The following ME1 variants were observed in gnomAD, a reference collection of about 807,000 sequenced individuals.
ME1 encodes malic enzyme 1.
Under a neutral mutation model 66.4 loss-of-function variants are expected in ME1, and 74 were observed. The observed-to-expected ratio is 1.11, with a 90% CI of 0.92 to 1.35. ME1 has a LOEUF of 1.35. ME1 is among the 40% of genes most tolerant of loss of function. The pLI is 0.00. For synonymous variants in ME1, 251 were observed against 235.6 expected, an observed-to-expected ratio of 1.07 and a Z score of -0.60; for missense variants, 750 against 694.1, an observed-to-expected ratio of 1.08 and a Z score of -0.90.
intron 9 of ME1, among the ~76,000 whole-genome samples, chr6:83,231,085 T>C (rs1388697505): frequency 6.6e-6 from 1 of 152,126 alleles, no homozygotes; most frequent in Non-Finnish European, 1.5e-5. Flanking sequence ...AGAAAAGCTA[T>C]AGAATAAGAT....
intron 11 of ME1, among the ~76,000 whole-genome samples, chr6:83,226,087 C>T (rs956725029): frequency 3.9e-5 from 6 of 152,040 alleles, no homozygotes; most frequent in Non-Finnish European, 2.9e-5. Flanking sequence ...AAACTCACAT[C>T]CAGCAACAGG....
intron 12 of ME1, among the ~76,000 whole-genome samples, chr6:83,218,797 C>T (rs893884837): frequency 1.3e-5 from 2 of 152,130 alleles, no homozygotes; most frequent in African/African-American, 2.4e-5. Flanking sequence ...TTCTCAGAGT[C>T]GAGCCAAACA....
At chr6:83,324,716 C>CGAAA (rs1768251345) in intron 5 of ME1, among the ~76,000 whole-genome samples, 1 of 49,306 alleles carries the variant, frequency 2.0e-5, no homozygotes, top group African/African-American at 7.7e-5. Context: ...GCCTACCAAC[C>CGAAA]AAAAAAAAAA....
chr6:83,393,203 G>A (rs1769658993), intron 3 of ME1: 8 of 1,193,128 alleles, frequency 6.7e-6, no homozygotes, highest in Non-Finnish European at 1.0e-5. Flanking sequence ...AGGCGTCAGA[G>A]GACCCCCTCA....
At chr6:83,312,534 C>A (rs575943737) in intron 6 of ME1, among the ~76,000 whole-genome samples, 10 of 152,172 alleles carry the variant, frequency 6.6e-5, no homozygotes, top group African/African-American at 2.4e-4. Context: ...ATAAAAAAAA[C>A]CAACATAGCA....
At chr6:83,383,181 T>C (rs535557828) in intron 3 of ME1, among the ~76,000 whole-genome samples, 4 of 151,966 alleles carry the variant, frequency 2.6e-5, no homozygotes, top group African/African-American at 9.7e-5. Flanking sequence ...TGGTTTTTTT[T>C]CTCTGGAGGA....
At chr6:83,392,850 A>G in intron 3 of ME1, 1 of 763,632 alleles carries the variant, frequency 1.3e-6, no homozygotes, top group Non-Finnish European at 2.3e-6. Flanking sequence ...ACAGCTCAAG[A>G]TTATCAGCAA....
intron 5 of ME1, among the ~76,000 whole-genome samples, chr6:83,321,429 C>T (rs966554418): frequency 2.0e-5 from 3 of 152,152 alleles, no homozygotes; most frequent in Non-Finnish European, 4.4e-5. Flanking sequence ...GCTGCCAGCA[C>T]AGCAGTCAGA....
chr6:83,357,894 T>C (rs1302177029), intron 3 of ME1, among the ~76,000 whole-genome samples: 4 of 121,044 alleles, frequency 3.3e-5, no homozygotes, highest in Non-Finnish European at 6.7e-5. Context: ...TAATACTTAA[T>C]AAACTCCCCT....
chr6:83,318,723 A>G (rs2128539916), intron 5 of ME1, among the ~76,000 whole-genome samples: 1 of 63,196 alleles, frequency 1.6e-5, no homozygotes, highest in Admixed American at 2.2e-4. Context: ...AACTAGTTCA[A>G]CCATTGTGGA....
intron 5 of ME1, among the ~76,000 whole-genome samples, chr6:83,322,566 A>T (rs1281488193): frequency 1.3e-5 from 2 of 152,176 alleles, no homozygotes; most frequent in African/African-American, 4.8e-5. Context: ...GAGATTGAAG[A>T]TCAACTTAAT....
At chr6:83,360,971 A>G (rs946774324) in intron 3 of ME1, among the ~76,000 whole-genome samples, 8 of 152,236 alleles carry the variant, frequency 5.3e-5, no homozygotes, top group African/African-American at 1.9e-4. Context: ...ATTTGCCTTC[A>G]GCTAGCAAGG....
chr6:83,315,323 C>A lies in ME1; in HGVS notation c.691G>T (p.Ala231Ser). 1 of 1,602,512 alleles carries A rather than the reference C, an allele frequency of 6.2e-7. No individual in the cohort carries two copies. Among genetic ancestry groups the A allele is most frequent in the East Asian group, 2.2e-5 (1 of 44,666 alleles). The change falls in exon 6 of 14, where the codon GCA becomes TCA. Residue 231 changes from alanine to serine, a missense_variant. Physicochemically the swap from Ala to Ser is moderately conservative, Grantham distance 99 (BLOSUM62 1). Transcript: ENST00000369705. ...YDDFLDEFMEAVSSKYGMNCL... is the reference protein window; with the variant it reads ...YDDFLDEFMESVSSKYGMNCL... ...AAAGATACATACTTGGAAGAAACTG[C>A]CTCCATGAATTCGTCCAAAAAATCA...
intron 6 of ME1, among the ~76,000 whole-genome samples, chr6:83,268,440 G>A (rs1456052235): frequency 6.6e-6 from 1 of 152,032 alleles, no homozygotes; most frequent in Non-Finnish European, 1.5e-5. Context: ...TGTATCTTAT[G>A]TCTCACCTTT....
chr6:83,247,507 T>A (rs1476025476), intron 7 of ME1, among the ~76,000 whole-genome samples: 1 of 151,902 alleles, frequency 6.6e-6, no homozygotes. Flanking sequence ...TCATAAATCA[T>A]ATCTTTAAAT....
chr6:83,331,221 G>C (rs143076120), intron 5 of ME1, among the ~76,000 whole-genome samples: 1 of 152,154 alleles, frequency 6.6e-6, no homozygotes, highest in Non-Finnish European at 1.5e-5. Context: ...TTTGGAGACA[G>C]AGTATTTAAA....
At chr6:83,280,581 C>T (rs536290722) in intron 6 of ME1, among the ~76,000 whole-genome samples, 1 of 152,336 alleles carries the variant, frequency 6.6e-6, no homozygotes, top group East Asian at 1.9e-4. Flanking sequence ...ATCTGCTAAA[C>T]TTCTCTTTTG....
chr6:83,270,571 A>G (rs1767066104), intron 6 of ME1, among the ~76,000 whole-genome samples: 1 of 152,126 alleles, frequency 6.6e-6, no homozygotes, highest in Non-Finnish European at 1.5e-5. Flanking sequence ...AATGGAGGGC[A>G]TTAACTGGGA....
chr6:83,281,631 C>A (rs529774853), intron 6 of ME1, among the ~76,000 whole-genome samples: 2 of 151,492 alleles, frequency 1.3e-5, no homozygotes, highest in South Asian at 4.2e-4. Context: ...GATGGTGAAA[C>A]CCCATCTCTA....
Sources: gnomAD v4.1 joint callset for allele counts (sites outside exome capture counted in the v4.1 genomes callset) on GRCh38, gnomAD v4.1.1 for gene constraint, MANE v1.5 for transcripts, NCBI Gene and HGNC (gene_info 2026-07-23, HGNC 2026-07-21) for gene names.